TRIM54: variants seen among roughly 807,000 people sequenced by gnomAD.
The protein encoded by TRIM54 is tripartite motif containing 54.
TRIM54 carries 40 observed loss-of-function variants against 42.0 expected under a neutral mutation model. The observed-to-expected ratio is 0.95, with a 90% CI of 0.74 to 1.24. The LOEUF (loss-of-function observed/expected upper bound fraction) is 1.24, where lower values mean the gene tolerates loss of function less well. TRIM54 is among the 50% of genes most tolerant of loss of function. TRIM54 has a pLI of 0.00. For missense variants in TRIM54, 485 were observed against 480.3 expected (o/e 1.01, Z -0.09); for synonymous variants, 199 against 194.9 (o/e 1.02, Z -0.17).
intron 5 of TRIM54, 34 bp downstream of exon 5, chr2:27,305,851 G>A (rs1679186755): frequency 6.6e-7 from 1 of 1,526,602 alleles, no homozygotes; most frequent in African/African-American, 1.4e-5. Flanking sequence ...GCGCTGCACA[G>A]TGGCTGGAGT....
At position 27,302,385 on chromosome 2, in the gene TRIM54, G is replaced by A. The variant is rs555331805; in HGVS notation, c.514-2574G>A. On this transcript the variant is annotated intron_variant, in intron 3 of 8. Coordinates refer to ENST00000380075, the MANE Select transcript of TRIM54 (RefSeq NM_187841.3). The stretch of plus-strand genomic sequence containing the variant: ...ATTGTTTACCTGGGAGGCAGAGCTT[G>A]CAGTGAGCCAAGATCGGGCCGCTGC... Among the ~76,000 whole-genome samples, 4 of 151,654 alleles carry A rather than the reference G, an allele frequency of 2.6e-5. No homozygotes were observed. The East Asian group carries it at 7.8e-4, about 30-fold the overall frequency.
intron 1 of TRIM54, among the ~76,000 whole-genome samples, chr2:27,285,833 A>G (rs184061047): frequency 2.4e-4 from 37 of 152,316 alleles, no homozygotes; most frequent in Admixed American, 1.0e-3. Flanking sequence ...TTGTTGTCCT[A>G]AAAACTGCCG....
intron 1 of TRIM54, among the ~76,000 whole-genome samples, chr2:27,284,605 G>A (rs1678505396): frequency 6.6e-6 from 1 of 152,036 alleles, no homozygotes; most frequent in African/African-American, 2.4e-5. Context: ...CTACATGAGA[G>A]GCAATGCTTT....
At chr2:27,293,948 G>A (rs983522362) in intron 1 of TRIM54, among the ~76,000 whole-genome samples, 13 of 151,886 alleles carry the variant, frequency 8.6e-5, no homozygotes, top group East Asian at 2.0e-4. Flanking sequence ...GCTTGAACCC[G>A]GGAGGTGGAG....
At chr2:27,295,877 T>G (rs1161519727) in intron 1 of TRIM54, among the ~76,000 whole-genome samples, 1 of 152,230 alleles carries the variant, frequency 6.6e-6, no homozygotes, top group Non-Finnish European at 1.5e-5. Flanking sequence ...GTAATTGTAT[T>G]AAGCAAACAA....
chr2:27,305,897 T>C, intron 5 of TRIM54, 80 bp downstream of exon 5: 1 of 1,398,750 alleles, frequency 7.1e-7, no homozygotes, highest in Non-Finnish European at 9.8e-7. Flanking sequence ...GGTTCAAGTC[T>C]TGTCTCTTGC....
Position 27,282,490 on chromosome 2 carries a change from A to G in TRIM54, c.-242A>G. 2 of 333,508 alleles carry G rather than the reference A, an allele frequency of 6.0e-6. No individual in the cohort carries two copies. Among genetic ancestry groups the G allele is most frequent in the South Asian group, 1.7e-4 (2 of 11,524 alleles). The allele number at this position is 333,508 out of a possible 1,614,324, so 20.7% of individuals were successfully genotyped here. A position where few individuals can be genotyped will look rare whatever the true frequency, so the allele number is the denominator to read the frequency against. Reference sequence around the variant, plus strand: ...ATTTGGGAAACAAAAGGAGAATTTTACAGAGAGAGAGGGATAGCTAAAACT... The same window carrying G: ...ATTTGGGAAACAAAAGGAGAATTTTGCAGAGAGAGAGGGATAGCTAAAACT... On this transcript the variant is annotated 5_prime_UTR_variant, in exon 1 of 9. Transcript: ENST00000380075.
At chr2:27,290,484 G>A (rs1678690973) in intron 1 of TRIM54, among the ~76,000 whole-genome samples, 1 of 152,016 alleles carries the variant, frequency 6.6e-6, no homozygotes, top group Non-Finnish European at 1.5e-5. Flanking sequence ...TGGCTAACAC[G>A]GTGAAACCCC....
intron 1 of TRIM54, among the ~76,000 whole-genome samples, chr2:27,293,595 CT>C (rs2148194022): frequency 6.6e-6 from 1 of 152,288 alleles, no homozygotes; most frequent in African/African-American, 2.4e-5. Flanking sequence ...GATGAGTCAT[CT>C]TTTGTTGATC....
chr2:27,284,317 G>A (rs1678496658), intron 1 of TRIM54, among the ~76,000 whole-genome samples: 1 of 152,034 alleles, frequency 6.6e-6, no homozygotes, highest in Non-Finnish European at 1.5e-5. Context: ...AGTTCCTTGG[G>A]GCAGCTTGTT....
intron 1 of TRIM54, among the ~76,000 whole-genome samples, chr2:27,296,765 G>T (rs1033658702): frequency 6.6e-6 from 1 of 152,158 alleles, no homozygotes; most frequent in Non-Finnish European, 1.5e-5. Context: ...GGGTTTTTTG[G>T]TTTGTTTTTT....
intron 1 of TRIM54, among the ~76,000 whole-genome samples, chr2:27,293,148 T>C (rs1356852064): frequency 6.6e-6 from 1 of 152,208 alleles, no homozygotes; most frequent in Admixed American, 6.6e-5. Flanking sequence ...ATTATCTGGT[T>C]TGCATCTTTT....
intron 1 of TRIM54, among the ~76,000 whole-genome samples, chr2:27,292,865 A>G (rs1271545823): frequency 6.6e-6 from 1 of 152,230 alleles, no homozygotes; most frequent in African/African-American, 2.4e-5. Flanking sequence ...TACAGACTGC[A>G]GACCTGGTTA....
rs1469196913 is a variant in TRIM54 at position 27,307,351 on chromosome 2, CG to C, written c.*469del. 1.6e-6 allele frequency: 2 copies of C among 1,224,090 alleles called. No individual in the cohort carries two copies. The highest frequency in any genetic ancestry group is 3.1e-5 in the African/African-American group (2 of 63,924). The allele number at this position is 1,224,090 out of a possible 1,614,324, so 75.8% of individuals were successfully genotyped here. A position where few individuals can be genotyped will look rare whatever the true frequency, so the allele number is the denominator to read the frequency against. ...CTGGCCCGGGGGCCCCACCTTCCCA[CG>C]GGTTCCCACGCTGCTGTGACTGCCC... On this transcript the variant is annotated 3_prime_UTR_variant, in exon 9 of 9. Coordinates refer to ENST00000380075, the MANE Select transcript of TRIM54 (RefSeq NM_187841.3). This position sits in a 1 kb window ranked among gnomAD's most constrained non-coding sequence, Gnocchi z 6.9.
At chr2:27,285,906 G>A (rs1282749620) in intron 1 of TRIM54, among the ~76,000 whole-genome samples, 1 of 151,938 alleles carries the variant, frequency 6.6e-6, no homozygotes, top group African/African-American at 2.4e-5. Context: ...TAACTAGACA[G>A]CCAGGAAGCA....
intron 1 of TRIM54, among the ~76,000 whole-genome samples, chr2:27,298,306 C>T (rs575826302): frequency 1.1e-4 from 16 of 152,186 alleles, no homozygotes; most frequent in African/African-American, 3.9e-4. Context: ...CCCATCCTGA[C>T]TATGCCTTGA....
chr2:27,282,873 CGCAAATGT>C lies in TRIM54; in HGVS notation c.145_152del (p.Lys49GlnfsTer33). On this transcript the variant is annotated frameshift_variant, in exon 1 of 9. Transcript: ENST00000380075. LOFTEE classifies it high-confidence loss of function. ...CCTGCCCTGCCAACACAACCTGTGCCGCAAATGTGCCAACGACGTCTTCCAGGTGGGTG... is the reference window on the plus strand; with the variant it reads ...CCTGCCCTGCCAACACAACCTGTGCCGCCAACGACGTCTTCCAGGTGGGTG... 6.2e-7 allele frequency: 1 copy of C among 1,613,364 alleles called. No homozygotes were observed. The highest frequency in any genetic ancestry group is 8.5e-7 in the Non-Finnish European group (1 of 1,179,604).
At chr2:27,295,709 A>G (rs912072658) in intron 1 of TRIM54, among the ~76,000 whole-genome samples, 1 of 152,178 alleles carries the variant, frequency 6.6e-6, no homozygotes, top group South Asian at 2.1e-4. Context: ...CGGCTGCCCA[A>G]GAGTTTATCT....
At chr2:27,287,275 C>T (rs963675600) in intron 1 of TRIM54, among the ~76,000 whole-genome samples, 1 of 152,082 alleles carries the variant, frequency 6.6e-6, no homozygotes, top group Admixed American at 6.6e-5. Context: ...GATGATGGCT[C>T]ACTGCAGCCT....
Sources: gnomAD v4.1 joint callset for allele counts (sites outside exome capture counted in the v4.1 genomes callset) on GRCh38, gnomAD v4.1.1 for gene constraint, Gnocchi (gnomAD v3.1) non-coding constraint, MANE v1.5 for transcripts, NCBI Gene and HGNC (gene_info 2026-07-23, HGNC 2026-07-21) for gene names.